CLPB: variants seen among roughly 807,000 people sequenced by gnomAD.
The protein encoded by CLPB is mitochondrial disaggregase.
A neutral mutation model predicts 78.4 loss-of-function variants in CLPB; 40 were observed. The observed-to-expected ratio is 0.51, with a 90% CI of 0.40 to 0.66. CLPB has a LOEUF of 0.66. CLPB is among the 30% of genes least tolerant of loss of function. The probability of loss-of-function intolerance (pLI) is 0.00; values close to 1 mark genes in which losing one functional copy is unlikely to be tolerated. For synonymous variants in CLPB, 333 were observed against 348.0 expected (o/e 0.96, Z 0.48); for missense variants, 780 against 886.9 (o/e 0.88, Z 1.53).
intron 2 of CLPB, among the ~76,000 whole-genome samples, chr11:72,425,675 G>A (rs887624876): frequency 6.6e-6 from 1 of 152,168 alleles, no homozygotes; most frequent in Non-Finnish European, 1.5e-5. Flanking sequence ...GTCGCTACCT[G>A]TCTCCAGTCC....
intron 4 of CLPB, among the ~76,000 whole-genome samples, chr11:72,371,764 A>G (rs1190101410): frequency 1.3e-5 from 2 of 151,900 alleles, no homozygotes; most frequent in Admixed American, 6.6e-5. Context: ...CTCACATTCA[A>G]TTGCACTCAC....
intron 4 of CLPB, among the ~76,000 whole-genome samples, chr11:72,379,057 T>C (rs1449381669): frequency 6.6e-6 from 1 of 152,292 alleles, no homozygotes; most frequent in Admixed American, 6.5e-5. Flanking sequence ...TGGGCAGCAA[T>C]GCCTTAATGC....
intron 5 of CLPB, chr11:72,352,745 G>C (rs111440178): frequency 1.3e-5 from 2 of 152,328 alleles, no homozygotes; most frequent in African/African-American, 4.8e-5. Context: ...ATCATGTCTG[G>C]ATCATCTTTA....
intron 8 of CLPB, 73 bp downstream of exon 8, chr11:72,308,454 G>A: frequency 2.2e-6 from 3 of 1,367,186 alleles, no homozygotes; most frequent in Non-Finnish European, 3.1e-6. Flanking sequence ...GCCCGCAGCA[G>A]CTGGGGCTGT....
At chr11:72,302,010 T>C (rs1056804516) in intron 10 of CLPB, 46 bp from the exon 11 acceptor site, 5 of 1,601,530 alleles carry the variant, frequency 3.1e-6, no homozygotes, top group South Asian at 1.1e-5. Context: ...TCTGTGCTTT[T>C]AGTTTCCAAC....
chr11:72,378,853 G>C (rs1469723309), intron 4 of CLPB, among the ~76,000 whole-genome samples: 1 of 152,212 alleles, frequency 6.6e-6, no homozygotes, highest in Non-Finnish European at 1.5e-5. Context: ...CATATGGGTA[G>C]ATGAGAGTTC....
rs1047638882 is a variant in CLPB at position 72,288,994 on chromosome 11, G to T, written c.*4373C>A. The T allele has an allele frequency of 1.3e-5, 2 of 152,176 alleles. No homozygotes were observed. The highest frequency in any genetic ancestry group is 2.9e-5 in the Non-Finnish European group (2 of 68,058). The allele number at this position is 152,176 out of a possible 1,614,324, so 9.4% of individuals were successfully genotyped here. ...CAACCTCCACCTCCCGGGTTCAAGC[G>T]ATTCTCCTGCCTCAGCCTCCCGAGT... On this transcript the variant is annotated 3_prime_UTR_variant, in exon 16 of 16. Transcript: ENST00000538039.
chr11:72,395,877 A>G (rs543087069), intron 3 of CLPB, among the ~76,000 whole-genome samples: 1 of 152,304 alleles, frequency 6.6e-6, no homozygotes, highest in African/African-American at 2.4e-5. Context: ...GGCTGCCAGT[A>G]GTCTAGCTGC....
At chr11:72,321,968 TG>T (rs1407897047) in intron 6 of CLPB, among the ~76,000 whole-genome samples, 1 of 82,992 alleles carries the variant, frequency 1.2e-5, no homozygotes, top group Non-Finnish European at 2.4e-5. Context: ...GATGAGATGG[TG>T]GGGGTGGGGA....
intron 2 of CLPB, among the ~76,000 whole-genome samples, chr11:72,427,656 A>T (rs1051244209): frequency 1.3e-5 from 2 of 152,200 alleles, no homozygotes; most frequent in African/African-American, 4.8e-5. Flanking sequence ...ATAACGTGCT[A>T]TACAGATTCC....
At chr11:72,351,966 C>T (rs1950621940) in intron 5 of CLPB, among the ~76,000 whole-genome samples, 1 of 152,162 alleles carries the variant, frequency 6.6e-6, no homozygotes, top group South Asian at 2.1e-4. Flanking sequence ...ACAAAACGGA[C>T]ACACCCACAT....
intron 3 of CLPB, among the ~76,000 whole-genome samples, chr11:72,385,271 C>T (rs963631113): frequency 2.0e-5 from 3 of 152,202 alleles, no homozygotes; most frequent in African/African-American, 7.2e-5. Context: ...GCAGGGACTC[C>T]ATGTTAGCTT....
intron 5 of CLPB, among the ~76,000 whole-genome samples, chr11:72,335,182 T>C (rs979674107): frequency 3.9e-5 from 6 of 152,058 alleles, no homozygotes; most frequent in Non-Finnish European, 5.9e-5. Context: ...CTATGGCTGG[T>C]TTGGACCTCA....
intron 4 of CLPB, among the ~76,000 whole-genome samples, chr11:72,378,014 G>T (rs1336265073): frequency 6.6e-6 from 1 of 152,174 alleles, no homozygotes; most frequent in Non-Finnish European, 1.5e-5. Context: ...CTACAATGTT[G>T]AATGTGAGTA....
At chr11:72,315,729 C>T (rs1016872994) in intron 7 of CLPB, among the ~76,000 whole-genome samples, 2 of 152,186 alleles carry the variant, frequency 1.3e-5, no homozygotes, top group Non-Finnish European at 2.9e-5. Context: ...CTCTGGCTGC[C>T]CATCCTCATG....
intron 2 of CLPB, among the ~76,000 whole-genome samples, chr11:72,420,235 T>C (rs1186571691): frequency 6.6e-6 from 1 of 152,190 alleles, no homozygotes; most frequent in Admixed American, 6.5e-5. Flanking sequence ...GCATGGTGGC[T>C]CACGCCTGTA....
chr11:72,330,103 A>G (rs779341468), intron 5 of CLPB, among the ~76,000 whole-genome samples: 1 of 152,244 alleles, frequency 6.6e-6, no homozygotes, highest in South Asian at 2.1e-4. Flanking sequence ...TAAACATACA[A>G]TTTCATACAT....
At chr11:72,352,287 A>T (rs1950628122) in intron 5 of CLPB, among the ~76,000 whole-genome samples, 1 of 152,170 alleles carries the variant, frequency 6.6e-6, no homozygotes, top group Non-Finnish European at 1.5e-5. Flanking sequence ...ACTATCTTTC[A>T]CATTATACAT....
chr11:72,414,761 C>T (rs555665303), intron 2 of CLPB, among the ~76,000 whole-genome samples: 9 of 152,200 alleles, frequency 5.9e-5, no homozygotes, highest in African/African-American at 2.2e-4. Flanking sequence ...TACACAGGCT[C>T]AGGGAGCACA....
Sources: allele counts gnomAD v4.1 joint callset (sites outside exome capture counted in the v4.1 genomes callset), GRCh38; gene constraint gnomAD v4.1.1; transcripts MANE v1.5; gene names NCBI Gene and HGNC (gene_info 2026-07-23, HGNC 2026-07-21).